MAPK8: variants seen among roughly 807,000 people sequenced by gnomAD.
MAPK8 encodes mitogen-activated protein kinase 8, also known as JUN N-terminal kinase.
In MAPK8, 13 loss-of-function variants were observed where a neutral mutation model predicts 52.9. That is an observed-to-expected ratio of 0.25 (90% CI 0.16 to 0.39). MAPK8 has a LOEUF of 0.39. Among genes scored for constraint, MAPK8 ranks in the 10% least tolerant of loss-of-function variants. MAPK8 has a pLI of 1.00. For missense variants in MAPK8, 300 were observed against 519.2 expected (o/e 0.58, Z 4.10); for synonymous variants, 191 against 169.8 (o/e 1.12, Z -0.97).
chr10:48,429,981 G>A (rs1433190253), intron 10 of MAPK8: 1 of 152,214 alleles, frequency 6.6e-6, no homozygotes, highest in East Asian at 1.9e-4. Flanking sequence ...ATGATAAATA[G>A]TGTTGATGTG....
Position 48,438,762 on chromosome 10 carries a change from T to C in MAPK8, c.*3733T>C, listed in dbSNP as rs1446524840. 1 of 152,234 alleles carries C rather than the reference T, an allele frequency of 6.6e-6. No homozygotes were observed. The highest frequency in any genetic ancestry group is 1.5e-5 in the Non-Finnish European group (1 of 68,040). 9.4% of individuals were successfully genotyped at this position (152,234 alleles called of 1,614,324 possible). A position where few individuals can be genotyped will look rare whatever the true frequency, so the allele number is the denominator to read the frequency against. ...AATACCAGTAAGTATGTAAAGTATATACCTTACATCAGTAAGAGACACGTG... is the reference window on the plus strand; with the variant it reads ...AATACCAGTAAGTATGTAAAGTATACACCTTACATCAGTAAGAGACACGTG... On this transcript the variant is annotated 3_prime_UTR_variant, in exon 12 of 12. Coordinates refer to ENST00000374189, the MANE Select transcript of MAPK8 (RefSeq NM_001323329.2).
intron 1 of MAPK8, among the ~76,000 whole-genome samples, chr10:48,386,033 C>T (rs895219925): frequency 2.0e-5 from 3 of 151,962 alleles, no homozygotes; most frequent in Non-Finnish European, 4.4e-5. Context: ...GTGGTATCAA[C>T]TAATATGAAA....
chr10:48,307,228 G>C (rs1841455413), intron 1 of MAPK8: 1 of 152,344 alleles, frequency 6.6e-6, no homozygotes, highest in African/African-American at 2.4e-5. Context: ...GCTGCCTCCG[G>C]GGCGGCGGGG....
chr10:48,331,719 G>A (rs1412818029), intron 1 of MAPK8, among the ~76,000 whole-genome samples: 1 of 152,204 alleles, frequency 6.6e-6, no homozygotes, highest in Non-Finnish European at 1.5e-5. Context: ...GGATGACAGG[G>A]TGGAGGATAT....
At chr10:48,330,201 C>CTT (rs1236649168) in intron 1 of MAPK8, among the ~76,000 whole-genome samples, 1 of 152,016 alleles carries the variant, frequency 6.6e-6, no homozygotes, top group Non-Finnish European at 1.5e-5. Context: ...GAAATGTATT[C>CTT]TTAATAGAGA....
intron 11 of MAPK8, among the ~76,000 whole-genome samples, chr10:48,433,083 G>A (rs1048263343): frequency 1.3e-5 from 2 of 152,122 alleles, no homozygotes; most frequent in African/African-American, 4.8e-5. Flanking sequence ...TGCCTTGAGT[G>A]TATAGAGGCT....
At chr10:48,316,817 C>T (rs1842546504) in intron 1 of MAPK8, among the ~76,000 whole-genome samples, 1 of 152,154 alleles carries the variant, frequency 6.6e-6, no homozygotes, top group African/African-American at 2.4e-5. Flanking sequence ...TTCTTCCCTT[C>T]CCCTGCTCCC....
chr10:48,321,038 C>A (rs1047111008), intron 1 of MAPK8, among the ~76,000 whole-genome samples: 11 of 137,564 alleles, frequency 8.0e-5, no homozygotes, highest in Non-Finnish European at 1.4e-4. Context: ...ATTTCAGATT[C>A]TTTGCCTATT....
chr10:48,322,147 T>C (rs1421011138), intron 1 of MAPK8, among the ~76,000 whole-genome samples: 1 of 152,120 alleles, frequency 6.6e-6, no homozygotes, highest in Non-Finnish European at 1.5e-5. Flanking sequence ...TTTTTCTTAC[T>C]TTAGTAAAGT....
chr10:48,425,540 T>C, intron 7 of MAPK8: 1 of 326,804 alleles, frequency 3.1e-6, no homozygotes, highest in Admixed American at 4.5e-5. Flanking sequence ...AAATTTTGTA[T>C]ATTATTATAG....
intron 1 of MAPK8, among the ~76,000 whole-genome samples, chr10:48,392,250 CA>C (rs1307315082): frequency 6.6e-6 from 1 of 152,090 alleles, no homozygotes; most frequent in Non-Finnish European, 1.5e-5. Flanking sequence ...GTCAGAAAGG[CA>C]GGGGAAGATT....
At chr10:48,430,949 A>G in intron 10 of MAPK8, 1 of 515,282 alleles carries the variant, frequency 1.9e-6, no homozygotes, top group Non-Finnish European at 3.4e-6. Context: ...TATCAAACCA[A>G]CTTCAGAAAC....
In MAPK8 at chr10:48,313,387, C is replaced by T. The variant is rs561565364; in HGVS notation, c.-50+6566C>T. 7.4e-5 allele frequency among the ~76,000 whole-genome samples: 11 copies of T among 148,826 alleles called. No individual in the cohort carries two copies. The East Asian group carries it at 1.4e-3, about 19-fold the overall frequency. On this transcript the variant is annotated intron_variant, in intron 1 of 11. Coordinates refer to ENST00000374189, the MANE Select transcript of MAPK8 (RefSeq NM_001323329.2). ...GGCGGAGGTTGCAGTGAGCTGAGAT[C>T]GTGCCACTACACTCCAGCCTGGGCG...
intron 1 of MAPK8, among the ~76,000 whole-genome samples, chr10:48,358,715 A>C (rs1185083165): frequency 6.6e-6 from 1 of 152,162 alleles, no homozygotes; most frequent in Non-Finnish European, 1.5e-5. Context: ...TTACCCTCCT[A>C]TCTTTTCTTC....
At chr10:48,419,689 T>C (rs1171852007) in intron 5 of MAPK8, among the ~76,000 whole-genome samples, 1 of 152,194 alleles carries the variant, frequency 6.6e-6, no homozygotes, top group Non-Finnish European at 1.5e-5. Context: ...AAAGATCAAA[T>C]AACATTTGTT....
At chr10:48,313,041 A>T (rs1049572605) in intron 1 of MAPK8, among the ~76,000 whole-genome samples, 4 of 152,092 alleles carry the variant, frequency 2.6e-5, no homozygotes, top group African/African-American at 9.7e-5. Flanking sequence ...CTTTTTTTGC[A>T]GTTGTGGAAA....
chr10:48,381,860 A>G (rs977915691), intron 1 of MAPK8, among the ~76,000 whole-genome samples: 1 of 152,190 alleles, frequency 6.6e-6, no homozygotes, highest in Non-Finnish European at 1.5e-5. Context: ...AAACTGCAAC[A>G]CAGATACCCT....
In MAPK8 at chr10:48,351,486, A is replaced by G. The variant is rs568314305; in HGVS notation, c.-50+44665A>G. ...TAGCCTCCCAAAGTGTTGGGATTGT[A>G]CCCATGAGTCATGGCACCTCGCCCT... On this transcript the variant is annotated intron_variant, in intron 1 of 11. Transcript: ENST00000374189. Among the ~76,000 whole-genome samples, 48 of 152,030 alleles carry G rather than the reference A, an allele frequency of 3.2e-4. 1 individual carries two copies. The highest frequency in any genetic ancestry group is 1.0e-3 in the African/African-American group (43 of 41,484).
At chr10:48,356,704 T>G (rs1846978604) in intron 1 of MAPK8, among the ~76,000 whole-genome samples, 1 of 151,824 alleles carries the variant, frequency 6.6e-6, no homozygotes, top group South Asian at 2.1e-4. Context: ...TAGCTGGTTC[T>G]AATGGCATGT....
Sources: allele counts gnomAD v4.1 joint callset (sites outside exome capture counted in the v4.1 genomes callset), GRCh38; gene constraint gnomAD v4.1.1; transcripts MANE v1.5; gene names NCBI Gene and HGNC (gene_info 2026-07-23, HGNC 2026-07-21).